Variants in SLC25A26 observed in about 807,000 individuals in gnomAD.
SLC25A26 encodes mitochondrial S-adenosylmethionine carrier protein.
A neutral mutation model predicts 37.8 loss-of-function variants in SLC25A26; 36 were observed. That is an observed-to-expected ratio of 0.95 (90% CI 0.73 to 1.26). The LOEUF (loss-of-function observed/expected upper bound fraction) is 1.26. Ranked by LOEUF, SLC25A26 falls within the 50% of genes most tolerant of loss-of-function variation. SLC25A26 has a pLI of 0.00. For missense variants in SLC25A26, 390 were observed against 331.1 expected, an observed-to-expected ratio of 1.18 and a Z score of -1.38; for synonymous variants, 129 against 122.5, an observed-to-expected ratio of 1.05 and a Z score of -0.35.
intron 2 of SLC25A26, among the ~76,000 whole-genome samples, chr3:66,240,218 A>T (rs2072507522): frequency 6.6e-6 from 1 of 152,204 alleles, no homozygotes; most frequent in Non-Finnish European, 1.5e-5. Context: ...TAGCAAGAGG[A>T]GGTGGCAAAG....
intron 5 of SLC25A26, among the ~76,000 whole-genome samples, chr3:66,313,973 A>T (rs1278170402): frequency 6.6e-6 from 1 of 152,102 alleles, no homozygotes; most frequent in Non-Finnish European, 1.5e-5. Flanking sequence ...TTGATTTTGT[A>T]TCCTGAGACG....
chr3:66,157,272 T>C (rs2070296264), intron 1 of SLC25A26, among the ~76,000 whole-genome samples: 1 of 152,102 alleles, frequency 6.6e-6, no homozygotes, highest in Non-Finnish European at 1.5e-5. Context: ...TAATGCTTAA[T>C]ATATGCTAGG....
rs572097561 is a variant in SLC25A26 at position 66,301,452 on chromosome 3, C to G, written c.453+38073C>G. On this transcript the variant is annotated intron_variant, in intron 5 of 9. Transcript: ENST00000354883. ...GAGGGCACAACCAATTCGTCTATGC[C>G]TTTTGACTTCCATGCCGGAGAGTGT... Among the ~76,000 whole-genome samples, 247 of 152,308 alleles carry G rather than the reference C, an allele frequency of 1.6e-3. 1 individual carries two copies. The highest frequency in any genetic ancestry group is 3.4e-3 in the Middle Eastern group (1 of 294).
chr3:66,272,598 C>T (rs1001518407), intron 5 of SLC25A26, among the ~76,000 whole-genome samples: 2 of 152,032 alleles, frequency 1.3e-5, no homozygotes, highest in African/African-American at 2.4e-5. Context: ...AGTTTACATG[C>T]CCCTTCTCTG....
intron 5 of SLC25A26, among the ~76,000 whole-genome samples, chr3:66,345,762 A>G (rs1382633686): frequency 6.6e-6 from 1 of 152,148 alleles, no homozygotes; most frequent in Non-Finnish European, 1.5e-5. Flanking sequence ...GCTCTTAAGC[A>G]CAGAAATGTC....
intron 7 of SLC25A26, among the ~76,000 whole-genome samples, chr3:66,365,972 T>C (rs2076815670): frequency 6.6e-6 from 1 of 152,184 alleles, no homozygotes; most frequent in Non-Finnish European, 1.5e-5. Context: ...AGGTGACAGC[T>C]CCAGCCTTAT....
chr3:66,144,117 G>A (rs79401842), intron 1 of SLC25A26, among the ~76,000 whole-genome samples: 6,754 of 152,110 alleles, frequency 0.044, 179 homozygotes, highest in East Asian at 0.08. Context: ...GTTAGGAAAG[G>A]CCTCTATGAG....
chr3:66,223,027 C>G (rs936064523), intron 1 of SLC25A26, among the ~76,000 whole-genome samples: 3 of 152,194 alleles, frequency 2.0e-5, no homozygotes, highest in African/African-American at 7.2e-5. Context: ...TTTCTTCCAT[C>G]TATTCTGCCC....
chr3:66,317,903 C>T (rs548719968), intron 5 of SLC25A26, among the ~76,000 whole-genome samples: 41 of 152,294 alleles, frequency 2.7e-4, no homozygotes, highest in African/African-American at 7.2e-4. Context: ...CTGACCCAGC[C>T]GCTGTACTGT....
At chr3:66,138,647 A>AG (rs915449189) in intron 1 of SLC25A26, among the ~76,000 whole-genome samples, 11 of 40,682 alleles carry the variant, frequency 2.7e-4, no homozygotes, top group African/African-American at 5.8e-4. Context: ...ATGCAGGGGG[A>AG]GGGGGGGTAG....
intron 1 of SLC25A26, among the ~76,000 whole-genome samples, chr3:66,193,565 TA>T (rs2070986486): frequency 6.6e-6 from 1 of 151,974 alleles, no homozygotes; most frequent in African/African-American, 2.4e-5. Flanking sequence ...CACAAATAAA[TA>T]AATAAGCAAT....
chr3:66,314,347 G>C (rs2075470067), intron 5 of SLC25A26, among the ~76,000 whole-genome samples: 1 of 152,034 alleles, frequency 6.6e-6, no homozygotes. Context: ...TTTTACTGAA[G>C]GCCTTTTCTG....
Position 66,338,478 on chromosome 3 carries a change from T to G in SLC25A26, c.454-7886T>G, listed in dbSNP as rs1394012252. On this transcript the variant is annotated intron_variant, in intron 5 of 9. Coordinates refer to ENST00000354883, the MANE Select transcript of SLC25A26 (RefSeq NM_001379210.1). ...AGTCTTTTGATTTCTGCCATTTTAG[T>G]GGATAACAGCACCTCATTGCGGCTT... Among the ~76,000 whole-genome samples the G allele has an allele frequency of 2.6e-5, 4 of 152,016 alleles. No homozygotes were observed. In the East Asian group the frequency reaches 7.7e-4, roughly 29 times the overall value.
intron 1 of SLC25A26, among the ~76,000 whole-genome samples, chr3:66,149,370 A>G (rs979008056): frequency 6.6e-6 from 1 of 152,184 alleles, no homozygotes; most frequent in South Asian, 2.1e-4. Flanking sequence ...GTTAGGGATG[A>G]CATAATTCAA....
chr3:66,263,299 C>G, intron 4 of SLC25A26, 33 bp from the exon 5 acceptor site: 1 of 1,570,488 alleles, frequency 6.4e-7, no homozygotes, highest in Non-Finnish European at 8.7e-7. Flanking sequence ...CTCTGCCATT[C>G]TTTCTGAACT....
intron 5 of SLC25A26, among the ~76,000 whole-genome samples, chr3:66,319,270 C>T (rs73833462): frequency 5.3e-5 from 8 of 151,624 alleles, no homozygotes; most frequent in African/African-American, 1.9e-4. Flanking sequence ...GTCTTTTTAA[C>T]GTACCCAAAG....
At chr3:66,134,232 A>T (rs1343973494) in intron 1 of SLC25A26, among the ~76,000 whole-genome samples, 1 of 152,230 alleles carries the variant, frequency 6.6e-6, no homozygotes, top group Non-Finnish European at 1.5e-5. Flanking sequence ...ACATGGCCGC[A>T]GTAAATAATA....
intron 5 of SLC25A26, among the ~76,000 whole-genome samples, chr3:66,326,213 T>G (rs2075833930): frequency 6.6e-6 from 1 of 151,978 alleles, no homozygotes; most frequent in Non-Finnish European, 1.5e-5. Context: ...ACATACAGAG[T>G]GCCTGTGAAA....
In SLC25A26 at chr3:66,300,370, T is replaced by G. The variant is rs539777071; in HGVS notation, c.453+36991T>G. ...ACCTTTTGTAATGGTCAGATTTTAGTTATAGTGACATTGGCAATATGATTT... is the reference window on the plus strand; with the variant it reads ...ACCTTTTGTAATGGTCAGATTTTAGGTATAGTGACATTGGCAATATGATTT... On this transcript the variant is annotated intron_variant, in intron 5 of 9. Coordinates refer to ENST00000354883, the MANE Select transcript of SLC25A26 (RefSeq NM_001379210.1). 2.0e-5 allele frequency among the ~76,000 whole-genome samples: 3 copies of G among 152,026 alleles called. No individual in the cohort carries two copies. The South Asian group carries it at 6.2e-4, about 32-fold the overall frequency.
Sources: gnomAD v4.1 joint callset for allele counts (sites outside exome capture counted in the v4.1 genomes callset) on GRCh38, gnomAD v4.1.1 for gene constraint, MANE v1.5 for transcripts, NCBI Gene and HGNC (gene_info 2026-07-23, HGNC 2026-07-21) for gene names.